BICRAL: variants seen among roughly 807,000 people sequenced by gnomAD.
BICRAL encodes BICRA like chromatin remodeling complex associated protein, also known as BRD4-interacting chromatin-remodeling complex-associated protein-like.
A neutral mutation model predicts 91.8 loss-of-function variants in BICRAL; 8 were observed. The observed-to-expected ratio is 0.09, with a 90% CI of 0.05 to 0.16. The LOEUF is 0.16. Among genes scored for constraint, BICRAL ranks in the 10% least tolerant of loss-of-function variants. The probability of loss-of-function intolerance (pLI) is 1.00; values close to 1 mark genes in which losing one functional copy is unlikely to be tolerated. For synonymous variants in BICRAL, 445 were observed against 491.1 expected, an observed-to-expected ratio of 0.91 and a Z score of 1.24; for missense variants, 1,038 against 1,310.9, an observed-to-expected ratio of 0.79 and a Z score of 3.21.
intron 12 of BICRAL, among the ~76,000 whole-genome samples, chr6:42,863,644 C>G (rs1200772751): frequency 6.6e-6 from 1 of 152,212 alleles, no homozygotes; most frequent in Non-Finnish European, 1.5e-5. Flanking sequence ...CCAGGCCCTT[C>G]TGCTCTAAGG....
chr6:42,844,579 T>C (rs1283428943), intron 6 of BICRAL, among the ~76,000 whole-genome samples: 1 of 133,998 alleles, frequency 7.5e-6, no homozygotes, highest in Non-Finnish European at 1.5e-5. Context: ...CACAGAGTGA[T>C]GCACACTGAG....
At chr6:42,764,591 G>A (rs1257766653) in intron 1 of BICRAL, among the ~76,000 whole-genome samples, 3 of 151,920 alleles carry the variant, frequency 2.0e-5, no homozygotes, top group Admixed American at 6.6e-5. Context: ...TTATGTAACT[G>A]TATTCTATAT....
chr6:42,821,639 A>G (rs1764139538), intron 2 of BICRAL, among the ~76,000 whole-genome samples: 1 of 152,208 alleles, frequency 6.6e-6, no homozygotes. Flanking sequence ...CTCTATGTCT[A>G]TGAGATCTTT....
At chr6:42,804,048 G>GT (rs1411670447) in intron 1 of BICRAL, among the ~76,000 whole-genome samples, 1 of 152,168 alleles carries the variant, frequency 6.6e-6, no homozygotes, top group East Asian at 1.9e-4. Context: ...TTGAGACGGA[G>GT]TTTCGCTCTT....
At chr6:42,822,692 C>A in intron 3 of BICRAL, 104 bp from the exon 4 acceptor site, 1 of 574,910 alleles carries the variant, frequency 1.7e-6, no homozygotes, top group Non-Finnish European at 3.1e-6. Flanking sequence ...GAGGATTTTA[C>A]TCAGGTAATA....
intron 1 of BICRAL, among the ~76,000 whole-genome samples, chr6:42,784,006 C>T (rs943403519): frequency 6.6e-6 from 1 of 152,206 alleles, no homozygotes; most frequent in South Asian, 2.1e-4. Context: ...GTCTGCCTTC[C>T]GGTAGCATGG....
At chr6:42,797,211 C>T (rs1001110110) in intron 1 of BICRAL, among the ~76,000 whole-genome samples, 1 of 151,718 alleles carries the variant, frequency 6.6e-6, no homozygotes, top group Non-Finnish European at 1.5e-5. Flanking sequence ...TTATGTATAA[C>T]TTATAAGAGG....
At chr6:42,793,161 TGAGACAGAG>T (rs1562464395) in intron 1 of BICRAL, among the ~76,000 whole-genome samples, 1 of 102,772 alleles carries the variant, frequency 9.7e-6, no homozygotes, top group Non-Finnish European at 1.9e-5. Flanking sequence ...TTTTTTTTTT[TGAGACAGAG>T]TCTCGCTCTG....
intron 10 of BICRAL, 64 bp downstream of exon 10, chr6:42,857,300 A>G (rs1765396804): frequency 2.2e-6 from 3 of 1,356,660 alleles, no homozygotes; most frequent in South Asian, 2.6e-5. Flanking sequence ...GACACCCCCC[A>G]GAAAAGCAAG....
At chr6:42,859,373 C>T (rs1765483816) in intron 10 of BICRAL, among the ~76,000 whole-genome samples, 1 of 149,844 alleles carries the variant, frequency 6.7e-6, no homozygotes, top group African/African-American at 2.5e-5. Context: ...GCCTGAGCGA[C>T]AGAGCAAGAC....
intron 1 of BICRAL, among the ~76,000 whole-genome samples, chr6:42,786,995 G>A (rs1415241105): frequency 6.6e-6 from 1 of 152,144 alleles, no homozygotes; most frequent in Non-Finnish European, 1.5e-5. Context: ...CAGTGATAAT[G>A]TTTTTAAAAA....
chr6:42,775,460 A>G (rs1274912300), intron 1 of BICRAL, among the ~76,000 whole-genome samples: 1 of 152,170 alleles, frequency 6.6e-6, no homozygotes, highest in East Asian at 1.9e-4. Flanking sequence ...GAATAGAAGG[A>G]ATGCTCTATT....
chr6:42,817,849 C>G (rs1764039635), intron 2 of BICRAL, among the ~76,000 whole-genome samples: 1 of 151,288 alleles, frequency 6.6e-6, no homozygotes, highest in South Asian at 2.1e-4. Flanking sequence ...GAAAGAATAC[C>G]CACGTGACAG....
At chr6:42,840,880 C>T (rs940256413) in intron 6 of BICRAL, among the ~76,000 whole-genome samples, 3 of 151,358 alleles carry the variant, frequency 2.0e-5, no homozygotes, top group Non-Finnish European at 4.4e-5. Flanking sequence ...TCAAGACTAG[C>T]GTGGCTAACA....
chr6:42,840,865 G>A (rs891737450), intron 6 of BICRAL, among the ~76,000 whole-genome samples: 1 of 151,584 alleles, frequency 6.6e-6, no homozygotes, highest in African/African-American at 2.4e-5. Context: ...CTTGAGGTCA[G>A]GAGTTCAAGA....
At chr6:42,825,610 A>G (rs1197210302) in intron 5 of BICRAL, among the ~76,000 whole-genome samples, 1 of 151,694 alleles carries the variant, frequency 6.6e-6, no homozygotes, top group Non-Finnish European at 1.5e-5. Flanking sequence ...GTGCGTGCCT[A>G]TAGTCCCAGT....
At chr6:42,859,382 ACT>A (rs1273256396) in intron 10 of BICRAL, among the ~76,000 whole-genome samples, 3 of 149,806 alleles carry the variant, frequency 2.0e-5, no homozygotes, top group African/African-American at 7.4e-5. Context: ...ACAGAGCAAG[ACT>A]CTGTCTCAAA....
rs755666016 is a variant in BICRAL at position 42,852,220 on chromosome 6, C to T, written c.1945+23C>T. On this transcript the variant is annotated intron_variant, in intron 7 of 12. Transcript: ENST00000314073. ...CAGGTCAGGAGCTTCCTCAGTTTGT[C>T]CCTGTCCTCCCAACACCACGGGATG... 3.7e-6 allele frequency: 5 copies of T among 1,356,610 alleles called. No individual in the cohort carries two copies. The African/African-American group carries it at 7.1e-5, about 19-fold the overall frequency. 84.0% of individuals were successfully genotyped at this position (1,356,610 alleles called of 1,614,324 possible). A position where few individuals can be genotyped will look rare whatever the true frequency, so the allele number is the denominator to read the frequency against.
chr6:42,849,590 C>G (rs1415530694), intron 6 of BICRAL, among the ~76,000 whole-genome samples: 1 of 151,892 alleles, frequency 6.6e-6, no homozygotes, highest in Admixed American at 6.6e-5. Flanking sequence ...TAGGTGCCCA[C>G]CACCACGCCC....
Sources: allele counts gnomAD v4.1 joint callset (sites outside exome capture counted in the v4.1 genomes callset), GRCh38; gene constraint gnomAD v4.1.1; transcripts MANE v1.5; gene names NCBI Gene and HGNC (gene_info 2026-07-23, HGNC 2026-07-21).